KCNIP4: variants seen among roughly 807,000 people sequenced by gnomAD.
KCNIP4 encodes Kv channel-interacting protein 4.
KCNIP4 carries 12 observed loss-of-function variants against 34.0 expected under a neutral mutation model. The observed-to-expected ratio is 0.35, with a 90% CI of 0.23 to 0.57. The LOEUF is 0.57. Among genes scored for constraint, KCNIP4 ranks in the 20% least tolerant of loss-of-function variants. The pLI, the probability that KCNIP4 is intolerant of heterozygous loss-of-function variation, is 0.83. For missense variants in KCNIP4, 238 were observed against 311.7 expected, an observed-to-expected ratio of 0.76 and a Z score of 1.78; for synonymous variants, 124 against 102.2, an observed-to-expected ratio of 1.21 and a Z score of -1.29.
intron 1 of KCNIP4, among the ~76,000 whole-genome samples, chr4:21,911,031 C>CT (rs1396007970): frequency 2.1e-4 from 32 of 151,390 alleles, no homozygotes; most frequent in South Asian, 1.0e-3. Flanking sequence ...TTTACAGTTT[C>CT]TTTTTTTTTC....
chr4:21,158,803 G>A (rs965264566), intron 1 of KCNIP4, among the ~76,000 whole-genome samples: 13 of 151,950 alleles, frequency 8.6e-5, no homozygotes, highest in Middle Eastern at 3.2e-3. Context: ...ACAAAAAAAA[G>A]AAATACAGTA....
intron 3 of KCNIP4, among the ~76,000 whole-genome samples, chr4:20,844,867 TACA>T (rs1480398242): frequency 2.0e-5 from 3 of 152,120 alleles, no homozygotes; most frequent in African/African-American, 4.8e-5. Flanking sequence ...TTCCTTTGGC[TACA>T]ACATCAAAAC....
chr4:21,341,650 T>C (rs141116815), intron 1 of KCNIP4, among the ~76,000 whole-genome samples: 1 of 152,142 alleles, frequency 6.6e-6, no homozygotes. Context: ...CAATATCTCC[T>C]TCTTGAAACA....
At chr4:21,601,959 C>T (rs531905121) in intron 1 of KCNIP4, among the ~76,000 whole-genome samples, 7 of 152,264 alleles carry the variant, frequency 4.6e-5, no homozygotes, top group South Asian at 4.1e-4. Flanking sequence ...ATTTTCTTCA[C>T]GCCATTTCTC....
chr4:21,468,802 T>C (rs1055615344), intron 1 of KCNIP4, among the ~76,000 whole-genome samples: 1 of 152,144 alleles, frequency 6.6e-6, no homozygotes, highest in African/African-American at 2.4e-5. Context: ...CAAAACCCTG[T>C]TTCGCTTTTT....
chr4:21,228,014 T>C (rs1197242872), intron 1 of KCNIP4, among the ~76,000 whole-genome samples: 7 of 152,220 alleles, frequency 4.6e-5, no homozygotes, highest in Admixed American at 2.0e-4. Flanking sequence ...TTATGTGTAC[T>C]GCAACAATAT....
At chr4:20,923,413 G>A (rs1307753340) in intron 1 of KCNIP4, among the ~76,000 whole-genome samples, 1 of 152,078 alleles carries the variant, frequency 6.6e-6, no homozygotes, top group Non-Finnish European at 1.5e-5. Context: ...TGAGGTATCT[G>A]CAGTGGATAC....
chr4:21,455,826 T>TTCCATTACAAA (rs1560422860), intron 1 of KCNIP4, among the ~76,000 whole-genome samples: 1 of 105,616 alleles, frequency 9.5e-6, no homozygotes, highest in African/African-American at 5.1e-5. Flanking sequence ...TATATATATA[T>TTCCATTACAAA]ATATATATAT....
At chr4:21,206,301 G>A (rs182890212) in intron 1 of KCNIP4, among the ~76,000 whole-genome samples, 65 of 152,212 alleles carry the variant, frequency 4.3e-4, no homozygotes, top group Non-Finnish European at 7.6e-4. Flanking sequence ...AATTATTTCT[G>A]GATACTGCAG....
intron 1 of KCNIP4, among the ~76,000 whole-genome samples, chr4:21,292,661 A>G (rs1001147613): frequency 2.6e-5 from 4 of 152,136 alleles, no homozygotes; most frequent in African/African-American, 7.2e-5. Context: ...TGAAATATCA[A>G]TTACTCCCCA....
At chr4:21,420,517 C>A (rs1026891948) in intron 1 of KCNIP4, among the ~76,000 whole-genome samples, 10 of 152,150 alleles carry the variant, frequency 6.6e-5, no homozygotes, top group African/African-American at 1.4e-4. Context: ...AGATTCAAAA[C>A]CCTCAACATT....
chr4:20,737,504 C>A (rs73110233), intron 5 of KCNIP4, among the ~76,000 whole-genome samples: 2 of 151,930 alleles, frequency 1.3e-5, no homozygotes, highest in East Asian at 3.9e-4. Flanking sequence ...GTAGATGGGC[C>A]GATCTGAGAA....
chr4:21,324,534 C>T (rs933910321), intron 1 of KCNIP4, among the ~76,000 whole-genome samples: 1 of 151,820 alleles, frequency 6.6e-6, no homozygotes, highest in Admixed American at 6.6e-5. Context: ...TTCTTGGCCC[C>T]TTTGTCAAAA....
chr4:21,374,992 A>G (rs1006015451), intron 1 of KCNIP4, among the ~76,000 whole-genome samples: 2 of 147,630 alleles, frequency 1.4e-5, no homozygotes, highest in South Asian at 2.1e-4. Context: ...AACCTTAAAC[A>G]TCAGGAACAC....
intron 1 of KCNIP4, among the ~76,000 whole-genome samples, chr4:20,990,698 A>G (rs1291661729): frequency 6.6e-6 from 1 of 152,202 alleles, no homozygotes; most frequent in Non-Finnish European, 1.5e-5. Context: ...CATTTTTGCC[A>G]TAATTTCTTT....
At chr4:21,093,009 C>T (rs1222720703) in intron 1 of KCNIP4, among the ~76,000 whole-genome samples, 1 of 152,212 alleles carries the variant, frequency 6.6e-6, no homozygotes, top group Non-Finnish European at 1.5e-5. Context: ...AAACTAACGG[C>T]TTTGAGACAG....
At chr4:21,037,684 C>G (rs549250972) in intron 1 of KCNIP4, among the ~76,000 whole-genome samples, 1 of 152,194 alleles carries the variant, frequency 6.6e-6, no homozygotes, top group Non-Finnish European at 1.5e-5. Context: ...GTATCACACG[C>G]GGTCTTTGCT....
intron 1 of KCNIP4, among the ~76,000 whole-genome samples, chr4:21,018,556 C>T (rs1451395773): frequency 2.6e-5 from 4 of 152,114 alleles, no homozygotes; most frequent in African/African-American, 7.2e-5. Context: ...TGGAACTCCT[C>T]TCATAGCCAA....
At chr4:21,045,742 A>T (rs1742373511) in intron 1 of KCNIP4, among the ~76,000 whole-genome samples, 1 of 152,208 alleles carries the variant, frequency 6.6e-6, no homozygotes, top group African/African-American at 2.4e-5. Flanking sequence ...AAACAGAGAA[A>T]CCTGAAGAGG....
Sources: allele counts gnomAD v4.1 joint callset (sites outside exome capture counted in the v4.1 genomes callset), GRCh38; gene constraint gnomAD v4.1.1; transcripts MANE v1.5; gene names NCBI Gene and HGNC (gene_info 2026-07-23, HGNC 2026-07-21).